The following WWOX variants were observed in gnomAD, a reference collection of about 807,000 sequenced individuals.
WWOX encodes WW domain containing oxidoreductase.
In WWOX, 69 loss-of-function variants were observed where a neutral mutation model predicts 46.2. The observed-to-expected ratio is 1.49, with a 90% CI of 1.23 to 1.82. The LOEUF (loss-of-function observed/expected upper bound fraction) is 1.82, where lower values mean the gene tolerates loss of function less well. Among genes scored for constraint, WWOX ranks in the 40% most tolerant of loss-of-function variants. WWOX has a pLI of 0.00. For synonymous variants in WWOX, 359 were observed against 202.6 expected (o/e 1.77, Z -6.56); for missense variants, 919 against 542.6 (o/e 1.69, Z -6.89).
chr16:78,157,142 A>G (rs2034633202), intron 4 of WWOX, among the ~76,000 whole-genome samples: 1 of 152,084 alleles, frequency 6.6e-6, no homozygotes, highest in Non-Finnish European at 1.5e-5. Flanking sequence ...TTGACCTGGA[A>G]ATTTCAAAGG....
intron 8 of WWOX, among the ~76,000 whole-genome samples, chr16:78,784,244 G>C (rs1322405765): frequency 6.6e-6 from 1 of 152,082 alleles, no homozygotes; most frequent in Admixed American, 6.6e-5. Flanking sequence ...TTATAGATGA[G>C]GAAACCTTGG....
At chr16:78,116,367 A>G (rs1170827117) in intron 4 of WWOX, among the ~76,000 whole-genome samples, 2 of 152,190 alleles carry the variant, frequency 1.3e-5, no homozygotes, top group South Asian at 2.1e-4. Flanking sequence ...GTAAAAATAC[A>G]TTGTTCAAGG....
intron 8 of WWOX, among the ~76,000 whole-genome samples, chr16:78,822,571 A>C (rs1038080984): frequency 6.6e-5 from 10 of 152,170 alleles, no homozygotes; most frequent in Non-Finnish European, 1.3e-4. Flanking sequence ...AGAATTCTAA[A>C]TATTTTATAA....
At chr16:78,631,540 CTT>C (rs35592764) in intron 8 of WWOX, among the ~76,000 whole-genome samples, 24 of 138,860 alleles carry the variant, frequency 1.7e-4, no homozygotes, top group Admixed American at 2.2e-4. Context: ...TTAAAATATT[CTT>C]TTTTTTTTTT....
At chr16:78,417,421 C>T (rs1235431229) in intron 6 of WWOX, among the ~76,000 whole-genome samples, 2 of 151,984 alleles carry the variant, frequency 1.3e-5, no homozygotes, top group Non-Finnish European at 2.9e-5. Context: ...AACTTCATTT[C>T]TGTCTGTAAA....
At chr16:78,776,409 C>G (rs527653610) in intron 8 of WWOX, among the ~76,000 whole-genome samples, 3 of 152,012 alleles carry the variant, frequency 2.0e-5, no homozygotes, top group Non-Finnish European at 2.9e-5. Flanking sequence ...TCAACTCATA[C>G]CTACTGTTCG....
rs1270118431 is a variant in WWOX, at chr16:78,422,728, TATACAC to T, written c.606-2140_606-2135del. 1.3e-4 allele frequency among the ~76,000 whole-genome samples: 12 copies of T among 91,548 alleles called. 1 individual carries two copies. The highest frequency in any genetic ancestry group is 5.0e-4 in the African/African-American group (7 of 14,018). The allele number at this position is 91,548 out of a possible 152,430, so 60.1% of individuals were successfully genotyped here. ...ATATATATACACACACACATATATA[TATACAC>T]ACACATATATATACACATATATACA... is the stretch of plus-strand genomic sequence containing the variant. On this transcript the variant is annotated intron_variant, in intron 6 of 8. Transcript: ENST00000566780.
At chr16:79,208,190 C>G (rs2051583854) in intron 8 of WWOX, among the ~76,000 whole-genome samples, 1 of 152,172 alleles carries the variant, frequency 6.6e-6, no homozygotes, top group Non-Finnish European at 1.5e-5. Flanking sequence ...TGGCAGCTCA[C>G]AAATGTTTGA....
chr16:78,998,909 A>T (rs766951620), intron 8 of WWOX, among the ~76,000 whole-genome samples: 3 of 152,182 alleles, frequency 2.0e-5, no homozygotes, highest in Non-Finnish European at 2.9e-5. Flanking sequence ...GTTATTGCCT[A>T]TGCATGTATA....
intron 8 of WWOX, among the ~76,000 whole-genome samples, chr16:78,887,986 T>C (rs1478335923): frequency 6.6e-6 from 1 of 152,208 alleles, no homozygotes; most frequent in Non-Finnish European, 1.5e-5. Flanking sequence ...TTTGGCGACA[T>C]GACATCCCAC....
intron 8 of WWOX, among the ~76,000 whole-genome samples, chr16:79,011,459 T>TTTTATTTTA (rs2047306650): frequency 7.6e-6 from 1 of 131,978 alleles, no homozygotes; most frequent in South Asian, 2.5e-4. Flanking sequence ...TTATTTTTTA[T>TTTTATTTTA]TTTATTTATT....
At chr16:78,805,971 A>C (rs1159354098) in intron 8 of WWOX, among the ~76,000 whole-genome samples, 1 of 152,226 alleles carries the variant, frequency 6.6e-6, no homozygotes, top group South Asian at 2.1e-4. Flanking sequence ...ATCTCGAGAC[A>C]GAAGTGGAGG....
chr16:78,437,581 C>T (rs958869233), intron 8 of WWOX, among the ~76,000 whole-genome samples: 1 of 152,322 alleles, frequency 6.6e-6, no homozygotes, highest in African/African-American at 2.4e-5. Context: ...CCCTCTTCTT[C>T]TTCAGATCCA....
intron 8 of WWOX, among the ~76,000 whole-genome samples, chr16:78,731,943 C>T (rs1372629526): frequency 6.7e-6 from 1 of 149,004 alleles, no homozygotes; most frequent in African/African-American, 2.5e-5. Context: ...GAACTCTGGG[C>T]TCAATTGATC....
At chr16:78,448,930 G>T (rs4309410) in intron 8 of WWOX, among the ~76,000 whole-genome samples, 5 of 152,192 alleles carry the variant, frequency 3.3e-5, no homozygotes, top group African/African-American at 1.2e-4. Context: ...TCCTTGGGTC[G>T]GCTATCTTGC....
At chr16:78,396,390 C>T (rs556669503) in intron 6 of WWOX, among the ~76,000 whole-genome samples, 1 of 152,284 alleles carries the variant, frequency 6.6e-6, no homozygotes, top group African/African-American at 2.4e-5. Flanking sequence ...ATTAACCACA[C>T]CAATGTTCAC....
chr16:78,529,654 A>T (rs531022669), intron 8 of WWOX, among the ~76,000 whole-genome samples: 43 of 151,734 alleles, frequency 2.8e-4, no homozygotes, highest in Non-Finnish European at 4.3e-4. Context: ...TTTTTAGTAG[A>T]GATGGGGTTT....
chr16:79,033,453 C>T (rs1051890530), intron 8 of WWOX, among the ~76,000 whole-genome samples: 18 of 149,204 alleles, frequency 1.2e-4, no homozygotes, highest in African/African-American at 4.2e-4. Flanking sequence ...TTTCTTTATC[C>T]AGAATAAACT....
intron 8 of WWOX, among the ~76,000 whole-genome samples, chr16:78,999,052 A>G (rs2047043932): frequency 6.6e-6 from 1 of 152,178 alleles, no homozygotes; most frequent in African/African-American, 2.4e-5. Context: ...AGGCAGAGCT[A>G]GAAATATTCC....
Sources: gnomAD v4.1 joint callset for allele counts (sites outside exome capture counted in the v4.1 genomes callset) on GRCh38, gnomAD v4.1.1 for gene constraint, MANE v1.5 for transcripts, NCBI Gene and HGNC (gene_info 2026-07-23, HGNC 2026-07-21) for gene names.